The following DLG2 variants were observed in gnomAD, a reference collection of about 807,000 sequenced individuals.
DLG2 encodes the protein discs large MAGUK scaffold protein 2, also known as disks large homolog 2.
DLG2 carries 45 observed loss-of-function variants against 132.5 expected under a neutral mutation model. The observed-to-expected ratio is 0.34, with a 90% confidence interval of 0.27 to 0.44. The LOEUF is 0.44. Among genes scored for constraint, DLG2 ranks in the 20% least tolerant of loss-of-function variants. The pLI is 1.00. For missense variants in DLG2, 1,045 were observed against 1,196.9 expected (o/e 0.87, Z 1.87); for synonymous variants, 424 against 419.6 (o/e 1.01, Z -0.13).
intron 7 of DLG2, among the ~76,000 whole-genome samples, chr11:84,350,175 C>CCG (rs2098556934): frequency 8.2e-6 from 1 of 121,776 alleles, no homozygotes; most frequent in South Asian, 3.1e-4. Context: ...GAGACTTCGT[C>CCG]CCCCCCCCCA....
intron 6 of DLG2, among the ~76,000 whole-genome samples, chr11:84,939,865 G>A (rs2049176791): frequency 6.6e-6 from 1 of 152,108 alleles, no homozygotes; most frequent in South Asian, 2.1e-4. Context: ...TGGCTATTGT[G>A]AATAGTGCTG....
intron 19 of DLG2, among the ~76,000 whole-genome samples, chr11:83,553,483 CGT>C (rs71959561): frequency 0.24 from 34,846 of 142,990 alleles, 4,164 homozygotes; most frequent in Middle Eastern, 0.35. Flanking sequence ...AAGTAAGCAC[CGT>C]GTGTGTGTGT....
chr11:85,073,908 A>T (rs2066188892), intron 6 of DLG2, among the ~76,000 whole-genome samples: 1 of 151,916 alleles, frequency 6.6e-6, no homozygotes, highest in African/African-American at 2.4e-5. Flanking sequence ...ATGGAGTACT[A>T]TGCAGCCATA....
chr11:84,302,913 C>A (rs1013688468), intron 7 of DLG2, among the ~76,000 whole-genome samples: 1 of 151,848 alleles, frequency 6.6e-6, no homozygotes, highest in Non-Finnish European at 1.5e-5. Context: ...GTGGTCAAAA[C>A]GTGTCTCTAC....
chr11:84,556,069 A>G (rs78537230), intron 6 of DLG2, among the ~76,000 whole-genome samples: 4,399 of 152,264 alleles, frequency 0.029, 236 homozygotes, highest in African/African-American at 0.1. Flanking sequence ...CCAAATGTCC[A>G]TGTCTTTTAT....
intron 18 of DLG2, among the ~76,000 whole-genome samples, chr11:83,664,231 A>G (rs566692293): frequency 8.5e-5 from 13 of 152,214 alleles, no homozygotes; most frequent in Non-Finnish European, 1.6e-4. Context: ...TAAGCCAACA[A>G]GGCTCTCCAG....
chr11:83,712,818 CA>C (rs2085766568), intron 18 of DLG2, among the ~76,000 whole-genome samples: 1 of 151,954 alleles, frequency 6.6e-6, no homozygotes, highest in South Asian at 2.1e-4. Context: ...TCAGTGGGGA[CA>C]GGGGCACGGA....
chr11:83,753,042 T>C (rs1227011706), intron 18 of DLG2, among the ~76,000 whole-genome samples: 1 of 152,232 alleles, frequency 6.6e-6, no homozygotes, highest in African/African-American at 2.4e-5. Flanking sequence ...AAATGTAGTA[T>C]GATTTTTAGG....
At chr11:85,581,629 AAAAC>A (rs796893647) in intron 3 of DLG2, among the ~76,000 whole-genome samples, 25 of 152,148 alleles carry the variant, frequency 1.6e-4, no homozygotes, top group African/African-American at 3.9e-4. Flanking sequence ...AACAAACAAA[AAAAC>A]AAACAAACAA....
At chr11:84,185,454 G>A (rs1056679088) in intron 8 of DLG2, among the ~76,000 whole-genome samples, 1 of 152,100 alleles carries the variant, frequency 6.6e-6, no homozygotes, top group African/African-American at 2.4e-5. Flanking sequence ...TTGCTTATCA[G>A]CTTAAGGAGA....
intron 6 of DLG2, among the ~76,000 whole-genome samples, chr11:84,810,105 T>C (rs1278025585): frequency 6.6e-6 from 1 of 152,016 alleles, no homozygotes; most frequent in African/African-American, 2.4e-5. Context: ...AAGAAAAAAC[T>C]GATAAACTGG....
chr11:84,907,693 C>T (rs2091669186), intron 6 of DLG2, among the ~76,000 whole-genome samples: 1 of 152,148 alleles, frequency 6.6e-6, no homozygotes, highest in Admixed American at 6.6e-5. Flanking sequence ...TCTGGGACCA[C>T]TTAGAACATG....
intron 6 of DLG2, among the ~76,000 whole-genome samples, chr11:84,573,217 C>G (rs930927288): frequency 6.6e-6 from 1 of 151,916 alleles, no homozygotes; most frequent in Non-Finnish European, 1.5e-5. Flanking sequence ...ATTTTAGTAG[C>G]TAAGTAAATT....
At chr11:84,430,696 T>C (rs1233316229) in intron 7 of DLG2, among the ~76,000 whole-genome samples, 1 of 152,186 alleles carries the variant, frequency 6.6e-6, no homozygotes. Context: ...CTACTTTCCC[T>C]GACCTTATAA....
intron 6 of DLG2, among the ~76,000 whole-genome samples, chr11:84,780,991 A>T (rs2071646933): frequency 9.6e-6 from 1 of 104,586 alleles, no homozygotes; most frequent in African/African-American, 3.7e-5. Flanking sequence ...TTACTCCAGG[A>T]TTGTACAAAA....
At chr11:84,883,383 G>A (rs1031809985) in intron 6 of DLG2, among the ~76,000 whole-genome samples, 2 of 151,790 alleles carry the variant, frequency 1.3e-5, no homozygotes, top group African/African-American at 2.4e-5. Flanking sequence ...CCTAGATGAC[G>A]GGTTGATAGG....
chr11:85,270,296 A>G (rs968251501), intron 4 of DLG2, among the ~76,000 whole-genome samples: 1 of 152,172 alleles, frequency 6.6e-6, no homozygotes, highest in African/African-American at 2.4e-5. Context: ...TTCCCTGCAT[A>G]AGTTGTCTTC....
chr11:85,616,164 G>C (rs892616127), intron 2 of DLG2, among the ~76,000 whole-genome samples: 9 of 152,108 alleles, frequency 5.9e-5, no homozygotes, highest in Non-Finnish European at 1.2e-4. Context: ...CCATTCACTT[G>C]TTCAAAGACT....
At chr11:85,496,363 T>G (rs570231934) in intron 3 of DLG2, among the ~76,000 whole-genome samples, 1 of 152,210 alleles carries the variant, frequency 6.6e-6, no homozygotes, top group East Asian at 1.9e-4. Context: ...CATCCACCAT[T>G]GCTGAGGCTT....
Sources: gnomAD v4.1 joint callset for allele counts (sites outside exome capture counted in the v4.1 genomes callset) on GRCh38, gnomAD v4.1.1 for gene constraint, MANE v1.5 for transcripts, NCBI Gene and HGNC (gene_info 2026-07-23, HGNC 2026-07-21) for gene names.